The following JMJD1C variants were observed in gnomAD, a reference collection of about 807,000 sequenced individuals.
The protein encoded by JMJD1C is jumonji domain-containing protein 1C.
JMJD1C carries 31 observed loss-of-function variants against 245.3 expected under a neutral mutation model. The observed-to-expected ratio is 0.13, with a 90% CI of 0.09 to 0.17. JMJD1C has a LOEUF of 0.17. JMJD1C is among the 10% of genes least tolerant of loss of function. The pLI is 1.00. For missense variants in JMJD1C, 2,691 were observed against 3,000.2 expected (o/e 0.90, Z 2.41); for synonymous variants, 1,057 against 1,017.4 (o/e 1.04, Z -0.74).
chr10:63,288,177 T>TC (rs1858203488), intron 2 of JMJD1C, among the ~76,000 whole-genome samples: 1 of 152,148 alleles, frequency 6.6e-6, no homozygotes, highest in African/African-American at 2.4e-5. Context: ...TGAAAAAAAA[T>TC]CCCTGTATAA....
chr10:63,256,208 G>A (rs1853903250), intron 3 of JMJD1C, among the ~76,000 whole-genome samples: 3 of 152,246 alleles, frequency 2.0e-5, no homozygotes, highest in African/African-American at 7.2e-5. Flanking sequence ...CCAAATTTCA[G>A]TCAAAATAAC....
intron 1 of JMJD1C, among the ~76,000 whole-genome samples, chr10:63,433,266 C>T (rs184630832): frequency 3.3e-3 from 499 of 151,932 alleles, no homozygotes; most frequent in Non-Finnish European, 5.0e-3. Flanking sequence ...CCGGCTAATT[C>T]TGTATTTTTA....
At position 63,213,806 on chromosome 10, in the gene JMJD1C, G is replaced by A. The variant is rs766795109; in HGVS notation, c.2361C>T (p.His787=). The A allele has an allele frequency of 1.2e-6, 2 of 1,614,042 alleles. No homozygotes were observed. The highest frequency in any genetic ancestry group is 2.2e-5 in the South Asian group (2 of 91,076). ...GTAAATGAGGGTGATGAACAGCATG[G>A]TGTGGACCACTAGTCAGAGGATGAG... ...INTHPLTSGP[H]HAVHHPHLLP... Residue 787 remains histidine (H), a synonymous_variant, in exon 8 of 26, where the codon CAC becomes CAT. Transcript: ENST00000399262.
rs142377622 is a variant in JMJD1C at position 63,415,765 on chromosome 10, A to G, written c.169-35283T>C. On this transcript the variant is annotated intron_variant, in intron 1 of 25. Transcript: ENST00000399262. ...TCGTCTCATAACCTAACACAATGAA[A>G]AACAACTGCAATGCCCTACAGAAAA... Among the ~76,000 whole-genome samples the G allele has an allele frequency of 3.2e-3, 495 of 152,354 alleles. 2 individuals carry two copies. The highest frequency in any genetic ancestry group is 0.012 in the African/African-American group (480 of 41,592).
chr10:63,512,556 G>A (rs923325846), intron 1 of JMJD1C, among the ~76,000 whole-genome samples: 2 of 152,100 alleles, frequency 1.3e-5, no homozygotes, highest in African/African-American at 4.8e-5. Flanking sequence ...GAAGTTGGAT[G>A]TAATTTTTAT....
chr10:63,191,504 T>G (rs1844794404), intron 16 of JMJD1C, among the ~76,000 whole-genome samples: 1 of 152,108 alleles, frequency 6.6e-6, no homozygotes, highest in Non-Finnish European at 1.5e-5. Flanking sequence ...TTTTCTACTG[T>G]GAGATAAAAA....
At chr10:63,300,472 G>C (rs1859954282) in intron 2 of JMJD1C, among the ~76,000 whole-genome samples, 1 of 152,066 alleles carries the variant, frequency 6.6e-6, no homozygotes, top group Admixed American at 6.6e-5. Context: ...TCTATCACAG[G>C]AAGAATTTTT....
chr10:63,512,131 GA>G (rs1246159286), intron 1 of JMJD1C, among the ~76,000 whole-genome samples: 1 of 152,122 alleles, frequency 6.6e-6, no homozygotes, highest in East Asian at 1.9e-4. Flanking sequence ...ACCATGTATA[GA>G]TACACACACA....
chr10:63,208,671 C>A lies in JMJD1C; in HGVS notation c.2998G>T (p.Val1000Leu), dbSNP rs375609923. ...CHLHRHFVDPVLNQLQRPPQE... is the reference protein window; with the variant it reads ...CHLHRHFVDPLLNQLQRPPQE... ...GGTGGCCTCTGTAACTGATTTAATA[C>A]TGGATCCACAAAATGCCTATGTAAG... The change falls in exon 10 of 26, where the codon GTA becomes TTA. Residue 1000 changes from valine to leucine, a missense_variant. Val to Leu is a conservative substitution (Grantham distance 32). Transcript: ENST00000399262. The A allele has an allele frequency of 3.1e-6, 5 of 1,613,956 alleles. No homozygotes were observed. The African/African-American group carries it at 6.7e-5, about 22-fold the overall frequency.
At position 63,183,873 on chromosome 10, in the gene JMJD1C, G is replaced by A. The variant is rs554755153; in HGVS notation, c.6962-304C>T. Among the ~76,000 whole-genome samples the A allele has an allele frequency of 1.6e-4, 25 of 152,256 alleles. No individual in the cohort carries two copies. The South Asian group carries it at 3.9e-3, about 24-fold the overall frequency. On this transcript the variant is annotated intron_variant, in intron 21 of 25. Transcript: ENST00000399262. ...GTTGCTTCATATAAAAAAGGGTTTC[G>A]ATGGATTAAAGGAACAGATTTAGTA...
In JMJD1C at chr10:63,213,972, A is replaced by G. The variant is rs199926108; in HGVS notation, c.2195T>C (p.Phe732Ser). The G allele has an allele frequency of 6.2e-7, 1 of 1,614,170 alleles. No homozygotes were observed. Among genetic ancestry groups the G allele is most frequent in the African/African-American group, 1.3e-5 (1 of 75,054 alleles). Residue 732 changes from phenylalanine (F) to serine (S), a missense_variant, in exon 8 of 26, where the codon TTC (phenylalanine) becomes TCC (serine). This residue lies in a region of JMJD1C where 1,562 missense variants were observed against 1,490.7 expected (regional missense o/e 1.05). Transcript: ENST00000399262. ...AAGAGGAAAAGGATGCTGGCTTAGG[A>G]AAGGTGAAATATGATTAGCTCCTGT... is the stretch of plus-strand genomic sequence containing the variant. Reference protein sequence around the residue: ...SETGANHISPFLSQHPFPLHS... With the variant: ...SETGANHISPSLSQHPFPLHS...
intron 1 of JMJD1C, chr10:63,521,423 G>A (rs1273685441): frequency 8.3e-6 from 3 of 361,414 alleles, no homozygotes; most frequent in African/African-American, 2.2e-5. Flanking sequence ...CGGCTCCTGA[G>A]GGCGCCAGCG....
chr10:63,475,117 C>T (rs1953618114), intron 1 of JMJD1C, among the ~76,000 whole-genome samples: 1 of 151,998 alleles, frequency 6.6e-6, no homozygotes, highest in African/African-American at 2.4e-5. Context: ...ACATAATTAT[C>T]CTTTCCTTTA....
At chr10:63,173,446 G>A (rs1039501528) in intron 24 of JMJD1C, among the ~76,000 whole-genome samples, 21 of 152,190 alleles carry the variant, frequency 1.4e-4, no homozygotes, top group Non-Finnish European at 2.8e-4. Flanking sequence ...AACCAGCCAG[G>A]TGGGTTGGCT....
intron 1 of JMJD1C, among the ~76,000 whole-genome samples, chr10:63,508,053 G>T (rs945588950): frequency 6.6e-6 from 1 of 150,438 alleles, no homozygotes; most frequent in Non-Finnish European, 1.5e-5. Context: ...AGTGTCTTTT[G>T]CAGAGAAAAA....
intron 2 of JMJD1C, among the ~76,000 whole-genome samples, chr10:63,353,764 C>G (rs1293100194): frequency 6.6e-6 from 1 of 152,114 alleles, no homozygotes; most frequent in African/African-American, 2.4e-5. Context: ...GCCTCAGCCT[C>G]CCAAGCGCTG....
rs2132953313 is a variant in JMJD1C at position 63,189,285 on chromosome 10, A to G, written c.6453T>C (p.Asn2151=). ...ESIISAVDEN[N]KLYSDIPHSW... ...AATGTGGTATATCACTGTATAATTT[A>G]TTATTTTCATCCACTGCAGATATTA... The change falls in exon 18 of 26, where the codon AAT becomes AAC. Residue 2151 remains asparagine, a synonymous_variant. Transcript: ENST00000399262. The G allele has an allele frequency of 1.2e-6, 2 of 1,613,618 alleles. No individual in the cohort carries two copies. The highest frequency in any genetic ancestry group is 1.7e-4 in the Middle Eastern group (1 of 6,058).
chr10:63,239,009 T>TG (rs1401311850), intron 3 of JMJD1C, among the ~76,000 whole-genome samples: 3 of 152,076 alleles, frequency 2.0e-5, no homozygotes, highest in Admixed American at 6.6e-5. Flanking sequence ...CAAAATGGGT[T>TG]GGCGGGTGAC....
intron 1 of JMJD1C, among the ~76,000 whole-genome samples, chr10:63,432,100 A>G (rs1950794185): frequency 6.6e-6 from 1 of 152,210 alleles, no homozygotes; most frequent in Non-Finnish European, 1.5e-5. Flanking sequence ...AGCTCAGCCC[A>G]GTGGTTGGGT....
Sources: allele counts gnomAD v4.1 joint callset (sites outside exome capture counted in the v4.1 genomes callset), GRCh38; gene constraint gnomAD v4.1.1; regional missense constraint gnomAD v4.1.1; transcripts MANE v1.5; gene names NCBI Gene and HGNC (gene_info 2026-07-23, HGNC 2026-07-21).